CUL3: variants seen among roughly 807,000 people sequenced by gnomAD.
The protein encoded by CUL3 is cullin 3.
Under a neutral mutation model 89.1 loss-of-function variants are expected in CUL3, and 19 were observed. The observed-to-expected ratio is 0.21, with a 90% CI of 0.15 to 0.31. CUL3 has a LOEUF of 0.31. CUL3 is among the 10% of genes least tolerant of loss of function. The pLI, the probability that CUL3 is intolerant of heterozygous loss-of-function variation, is 1.00. For missense variants in CUL3, 469 were observed against 942.3 expected (o/e 0.50, Z 6.58); for synonymous variants, 351 against 308.4 (o/e 1.14, Z -1.45).
intron 3 of CUL3, among the ~76,000 whole-genome samples, chr2:224,522,157 G>T (rs997100697): frequency 8.6e-5 from 13 of 150,458 alleles, no homozygotes; most frequent in African/African-American, 3.2e-4. Flanking sequence ...AATCACTAAG[G>T]TAATCCTCTA....
intron 14 of CUL3, among the ~76,000 whole-genome samples, chr2:224,481,428 C>G (rs192879336): frequency 3.4e-4 from 51 of 151,924 alleles, no homozygotes; most frequent in African/African-American, 1.2e-3. Flanking sequence ...AGTATCATTT[C>G]TATGTTTTTA....
chr2:224,576,274 G>A (rs1178840530), intron 1 of CUL3, among the ~76,000 whole-genome samples: 3 of 152,198 alleles, frequency 2.0e-5, no homozygotes, highest in African/African-American at 7.2e-5. Context: ...GCGAAGAACA[G>A]TCATGGTGGA....
At chr2:224,535,397 T>C in intron 3 of CUL3, 131 bp downstream of exon 3, 1 of 551,054 alleles carries the variant, frequency 1.8e-6, no homozygotes, top group Non-Finnish European at 3.2e-6. Context: ...CTCAATGTCC[T>C]GACCTTAAAT....
intron 3 of CUL3, among the ~76,000 whole-genome samples, chr2:224,527,384 T>C (rs1693520033): frequency 6.6e-6 from 1 of 152,082 alleles, no homozygotes; most frequent in Non-Finnish European, 1.5e-5. Flanking sequence ...ATCATCTCTA[T>C]GTTCTTATCC....
chr2:224,558,165 C>G (rs1006788460), intron 1 of CUL3, among the ~76,000 whole-genome samples: 5 of 152,094 alleles, frequency 3.3e-5, no homozygotes, highest in Admixed American at 3.3e-4. Context: ...GTCACTTACC[C>G]CTTATCTCTC....
intron 1 of CUL3, among the ~76,000 whole-genome samples, chr2:224,580,681 C>T (rs964489719): frequency 2.6e-5 from 4 of 151,252 alleles, no homozygotes; most frequent in African/African-American, 9.7e-5. Context: ...AAGACTCTGT[C>T]TCAAAAAAGA....
intron 2 of CUL3, among the ~76,000 whole-genome samples, chr2:224,545,667 G>A (rs557426732): frequency 1.9e-4 from 29 of 152,276 alleles, no homozygotes; most frequent in African/African-American, 5.8e-4. Flanking sequence ...AGGGTGCTTG[G>A]CACTATGGGG....
intron 13 of CUL3, 87 bp downstream of exon 13, chr2:224,495,745 C>G (rs1397868366): frequency 3.4e-6 from 4 of 1,168,556 alleles, no homozygotes; most frequent in Non-Finnish European, 4.9e-6. Flanking sequence ...AAGAGACTCT[C>G]TAAAGGTTAT....
chr2:224,578,467 A>AT (rs955899990), intron 1 of CUL3, among the ~76,000 whole-genome samples: 2 of 151,932 alleles, frequency 1.3e-5, no homozygotes, highest in African/African-American at 4.8e-5. Context: ...ATTACAGGTG[A>AT]TTTTTTTTAT....
chr2:224,512,828 A>C (rs1692884822), intron 5 of CUL3, among the ~76,000 whole-genome samples: 1 of 152,190 alleles, frequency 6.6e-6, no homozygotes, highest in Admixed American at 6.6e-5. Flanking sequence ...TATAGTAAAA[A>C]GTTAAGGATA....
At chr2:224,583,349 G>GA (rs1266494409) in intron 1 of CUL3, among the ~76,000 whole-genome samples, 1 of 152,046 alleles carries the variant, frequency 6.6e-6, no homozygotes, top group Non-Finnish European at 1.5e-5. Flanking sequence ...CAACAGGAGC[G>GA]AAACTCTTGT....
Position 224,511,571 on chromosome 2 carries a change from C to G in CUL3, c.666G>C (p.Gln222His), listed in dbSNP as rs2106216280. ...MSAEFFQMESQKFLAENSASV... is the reference protein window; with the variant it reads ...MSAEFFQMESHKFLAENSASV... ...AAGCACTATTTTCTGCTAAAAATTT[C>G]TGGCTTTCCATCTGCCATTTAAAAA... Residue 222 changes from glutamine to histidine, a missense_variant, in exon 6 of 16, where the codon CAG (glutamine) becomes CAC (histidine). This residue lies in a region of CUL3 where 370 missense variants were observed against 733.2 expected (regional missense o/e 0.50). Coordinates refer to ENST00000264414, the MANE Select transcript of CUL3 (RefSeq NM_003590.5). 6.4e-7 allele frequency: 1 copy of G among 1,569,176 alleles called. No individual in the cohort carries two copies. The highest frequency in any genetic ancestry group is 8.6e-7 in the Non-Finnish European group (1 of 1,159,854).
At chr2:224,535,151 T>A (rs1303546858) in intron 3 of CUL3, among the ~76,000 whole-genome samples, 3 of 152,330 alleles carry the variant, frequency 2.0e-5, no homozygotes, top group Admixed American at 2.0e-4. Context: ...TGAGACGTAC[T>A]ATAACTAAGT....
intron 6 of CUL3, among the ~76,000 whole-genome samples, chr2:224,507,484 C>G (rs1236327246): frequency 6.6e-6 from 1 of 151,994 alleles, no homozygotes; most frequent in Non-Finnish European, 1.5e-5. Flanking sequence ...TGGGTATTTC[C>G]AAAGGTTTAA....
intron 1 of CUL3, 38 bp from the exon 2 acceptor site, chr2:224,557,894 A>AAAAC (rs768521641): frequency 5.2e-6 from 6 of 1,149,724 alleles, no homozygotes; most frequent in Non-Finnish European, 7.3e-6. Flanking sequence ...AAAAAAAAAA[A>AAAAC]AAAAAAAAAA....
chr2:224,503,688 A>C lies in CUL3; in HGVS notation c.1341T>G (p.Ser447=), dbSNP rs1163981902. The part of the protein sequence containing the change: ...ARRLLTNKSV[S]DDSEKNMISK... ...ATATCATGTTTTTTTCAGAGTCATC[A>C]GAAACACTTTTATTTGTGAGAAGTC... Residue 447 remains serine (S), a synonymous_variant, in exon 9 of 16, where the codon TCT becomes TCG. Coordinates refer to ENST00000264414, the MANE Select transcript of CUL3 (RefSeq NM_003590.5). 1 of 1,599,388 alleles carries C rather than the reference A, an allele frequency of 6.3e-7. No homozygotes were observed. Among genetic ancestry groups the C allele is most frequent in the Admixed American group, 1.8e-5 (1 of 55,960 alleles).
chr2:224,534,355 T>A (rs975988276), intron 3 of CUL3, among the ~76,000 whole-genome samples: 18 of 152,136 alleles, frequency 1.2e-4, no homozygotes, highest in African/African-American at 3.4e-4. Flanking sequence ...GAAGCTAATA[T>A]CCTTAAACAA....
chr2:224,495,732 C>A, intron 13 of CUL3, 100 bp downstream of exon 13: 1 of 953,590 alleles, frequency 1.0e-6, no homozygotes, highest in East Asian at 2.6e-5. Context: ...CTAAAAGTAC[C>A]CAAAGAGACT....
chr2:224,552,596 G>A (rs568558378), intron 2 of CUL3, among the ~76,000 whole-genome samples: 6 of 152,158 alleles, frequency 3.9e-5, no homozygotes, highest in Admixed American at 2.6e-4. Context: ...TCTGTGTTGC[G>A]CTACTTTACC....
Sources: allele counts gnomAD v4.1 joint callset (sites outside exome capture counted in the v4.1 genomes callset), GRCh38; gene constraint gnomAD v4.1.1; regional missense constraint gnomAD v4.1.1; transcripts MANE v1.5; gene names NCBI Gene and HGNC (gene_info 2026-07-23, HGNC 2026-07-21).